PPDPFL: variants seen among roughly 807,000 people sequenced by gnomAD.
The protein encoded by PPDPFL is pancreatic progenitor cell differentiation and proliferation factor-like protein.
Under a neutral mutation model 12.6 loss-of-function variants are expected in PPDPFL, and 12 were observed. The observed-to-expected ratio is 0.95, with a 90% CI of 0.61 to 1.54. The LOEUF (loss-of-function observed/expected upper bound fraction) is 1.54. PPDPFL is among the 40% of genes most tolerant of loss of function. The pLI is 0.00. For missense variants in PPDPFL, 114 were observed against 96.0 expected, an observed-to-expected ratio of 1.19 and a Z score of -0.78; for synonymous variants, 24 against 32.7, an observed-to-expected ratio of 0.73 and a Z score of 0.91.
upstream of PPDPFL, among the ~76,000 whole-genome samples, chr8:49,071,015 T>C (rs1022435686): frequency 3.3e-5 from 5 of 152,142 alleles, no homozygotes; most frequent in African/African-American, 1.2e-4. Context: ...TTTGTACCCT[T>C]GGCCAACATC....
upstream of PPDPFL, among the ~76,000 whole-genome samples, chr8:49,069,916 G>A (rs1018967424): frequency 1.2e-4 from 18 of 152,258 alleles, no homozygotes; most frequent in Admixed American, 5.9e-4. Context: ...CCTGGGCAAC[G>A]GAGGGAGACT....
upstream of PPDPFL, among the ~76,000 whole-genome samples, chr8:49,070,687 G>A (rs1007001381): frequency 1.3e-5 from 2 of 152,122 alleles, no homozygotes; most frequent in African/African-American, 4.8e-5. Flanking sequence ...ACAACAAAAA[G>A]GAAGGACGGT....
chr8:49,068,541 T>G (rs1407640825), upstream of PPDPFL, among the ~76,000 whole-genome samples: 1 of 152,148 alleles, frequency 6.6e-6, no homozygotes, highest in Non-Finnish European at 1.5e-5. Flanking sequence ...ACAGTAATCA[T>G]GTTAAAGAAG....
chr8:49,075,204 C>T lies in PPDPFL; in HGVS notation c.*31C>T, dbSNP rs756911729. The T allele has an allele frequency of 3.7e-6, 6 of 1,613,928 alleles. No homozygotes were observed. In the South Asian group the frequency reaches 5.5e-5, roughly 15 times the overall value. ...CATCTTTGCACTGCCATTTGATGAA[C>T]ATGTTGGTAACGGTTGCCTGCCTTA... On this transcript the variant is annotated 3_prime_UTR_variant, in exon 5 of 5. Transcript: ENST00000522267.
At chr8:49,060,472 C>A (rs955688122) in intron 1 of PPDPFL, among the ~76,000 whole-genome samples, 1 of 152,040 alleles carries the variant, frequency 6.6e-6, no homozygotes, top group Non-Finnish European at 1.5e-5. Flanking sequence ...CGGCACCACA[C>A]CTGGCTAATT....
rs369889116 is a variant in PPDPFL at position 49,065,553 on chromosome 8, C to G, written c.-44-7234C>G. Among the ~76,000 whole-genome samples, 13 of 152,140 alleles carry G rather than the reference C, an allele frequency of 8.5e-5. No homozygotes were observed. In the East Asian group the frequency reaches 2.5e-3, roughly 29 times the overall value. On this transcript the variant is annotated intron_variant, in intron 1 of 4. Coordinates refer to the PPDPFL transcript ENST00000517663. ...ATGGGCAACTGACTCATTATTCCAT[C>G]CAATAGTAATACAGATATGAATCAG...
At chr8:49,061,684 A>G (rs1279352632) in intron 1 of PPDPFL, among the ~76,000 whole-genome samples, 5 of 151,996 alleles carry the variant, frequency 3.3e-5, no homozygotes, top group Admixed American at 3.3e-4. Flanking sequence ...GAGAGTGGGG[A>G]ATATTGATGT....
chr8:49,069,983 G>T (rs1342249079), upstream of PPDPFL, among the ~76,000 whole-genome samples: 1 of 152,136 alleles, frequency 6.6e-6, no homozygotes, highest in Non-Finnish European at 1.5e-5. Flanking sequence ...CAATGACATG[G>T]AATTAACCTA....
intron 1 of PPDPFL, among the ~76,000 whole-genome samples, chr8:49,056,528 C>A (rs1808114924): frequency 6.6e-6 from 1 of 152,132 alleles, no homozygotes; most frequent in Non-Finnish European, 1.5e-5. Context: ...TGTTAACCTT[C>A]TGTATTCACA....
At chr8:49,058,424 G>A (rs1041147919) in intron 1 of PPDPFL, among the ~76,000 whole-genome samples, 1 of 152,140 alleles carries the variant, frequency 6.6e-6, no homozygotes. Flanking sequence ...AATACCAAGC[G>A]GGAAACTGAA....
chr8:49,066,363 T>C (rs2129244802), intron 1 of PPDPFL, among the ~76,000 whole-genome samples: 1 of 152,298 alleles, frequency 6.6e-6, no homozygotes, highest in South Asian at 2.1e-4. Context: ...TTCATCATAG[T>C]TGACAGCAGG....
At chr8:49,068,075 G>A (rs10957356), upstream of PPDPFL, among the ~76,000 whole-genome samples, 51,057 of 151,914 alleles carry the variant, frequency 0.34, 8,781 homozygotes, top group Non-Finnish European at 0.37. Flanking sequence ...ATTATTACCC[G>A]AGGATGTAAT....
In PPDPFL at chr8:49,074,674, G is replaced by A. The variant is rs1035603171; in HGVS notation, c.233+341G>A. On this transcript the variant is annotated intron_variant, in intron 4 of 4. Coordinates refer to ENST00000522267, the MANE Select transcript of PPDPFL (RefSeq NM_001256597.2). ...TACCTTCAGGAAAAGAATAACCATT[G>A]TCTAGTTGTTGTCTTAAATAACCTT... The A allele has an allele frequency of 3.3e-6, 5 of 1,497,918 alleles. No individual in the cohort carries two copies. The Admixed American group carries it at 6.4e-5, about 19-fold the overall frequency. The allele number at this position is 1,497,918 out of a possible 1,614,324, so 92.8% of individuals were successfully genotyped here.
chr8:49,071,753 A>G (rs987194343), upstream of PPDPFL, among the ~76,000 whole-genome samples: 4 of 152,196 alleles, frequency 2.6e-5, no homozygotes, highest in African/African-American at 9.6e-5. Context: ...TGATATTGAT[A>G]CAATGTCATA....
rs1808226818 is a variant in PPDPFL, at chr8:49,062,521, A to G, written c.-45+8152A>G. Among the ~76,000 whole-genome samples, 3 of 152,338 alleles carry G rather than the reference A, an allele frequency of 2.0e-5. 1 individual carries two copies. The South Asian group carries it at 6.2e-4, about 32-fold the overall frequency. ...AAAAGAGCACATTGGAGACAAGAGC[A>G]CCAGTTTCACTGAGAAAATCAGTGA... is the stretch of plus-strand genomic sequence containing the variant. On this transcript the variant is annotated intron_variant, in intron 1 of 4. Transcript: ENST00000517663.
chr8:49,073,994 A>T, intron 2 of PPDPFL, 65 bp from the exon 3 acceptor site: 2 of 1,052,028 alleles, frequency 1.9e-6, no homozygotes, highest in Non-Finnish European at 2.9e-6. Flanking sequence ...TTGTATATAA[A>T]TGATGCGGAT....
rs952171142 is a variant in PPDPFL, at chr8:49,075,354, A to G, written c.*181A>G. 3 of 1,221,248 alleles carry G rather than the reference A, an allele frequency of 2.5e-6. No individual in the cohort carries two copies. The highest frequency in any genetic ancestry group is 3.6e-6 in the Non-Finnish European group (3 of 825,718). 75.7% of individuals were successfully genotyped at this position (1,221,248 alleles called of 1,614,324 possible). A position where few individuals can be genotyped will look rare whatever the true frequency, so the allele number is the denominator to read the frequency against. ...TCTTCTCCATTGTAAGAAGACAGAAATGTGTCTGAGATCTCATTTATGAGA... is the reference window on the plus strand; with the variant it reads ...TCTTCTCCATTGTAAGAAGACAGAAGTGTGTCTGAGATCTCATTTATGAGA... On this transcript the variant is annotated 3_prime_UTR_variant, in exon 5 of 5. Transcript: ENST00000522267.
At position 49,075,500 on chromosome 8, in the gene PPDPFL, G is replaced by A; in HGVS notation, c.*327G>A. On this transcript the variant is annotated 3_prime_UTR_variant, in exon 5 of 5. Transcript: ENST00000522267. ...TTGAAAAGTGTGCCTTTAGAAACAA[G>A]ACACCCTTTTAAAGTAATATGTCTT... 1.7e-6 allele frequency: 1 copy of A among 575,976 alleles called. No individual in the cohort carries two copies. The highest frequency in any genetic ancestry group is 3.1e-6 in the Non-Finnish European group (1 of 323,494). The allele number at this position is 575,976 out of a possible 1,614,324, so 35.7% of individuals were successfully genotyped here. A position where few individuals can be genotyped will look rare whatever the true frequency, so the allele number is the denominator to read the frequency against.
In PPDPFL at chr8:49,060,384, G is replaced by T. The variant is rs370782352; in HGVS notation, c.-45+6015G>T. The stretch of plus-strand genomic sequence containing the variant: ...GCTGGAGTGTAATGGCAGGATCTCG[G>T]CTCACCTCAACCTCCGCCTCCTGGG... On this transcript the variant is annotated intron_variant, in intron 1 of 4. Coordinates refer to the PPDPFL transcript ENST00000517663. 5.9e-5 allele frequency among the ~76,000 whole-genome samples: 9 copies of T among 152,170 alleles called. No individual in the cohort carries two copies. In the East Asian group the frequency reaches 1.4e-3, roughly 23 times the overall value.
Sources: allele counts gnomAD v4.1 joint callset (sites outside exome capture counted in the v4.1 genomes callset), GRCh38; gene constraint gnomAD v4.1.1; transcripts MANE v1.5; gene names NCBI Gene and HGNC (gene_info 2026-07-23, HGNC 2026-07-21).